BLM: variants seen among roughly 807,000 people sequenced by gnomAD.
BLM encodes the protein recQ-like DNA helicase BLM.
In BLM, 95 loss-of-function variants were observed where a neutral mutation model predicts 135.3. That is an observed-to-expected ratio of 0.70 (90% CI 0.59 to 0.83). The LOEUF (loss-of-function observed/expected upper bound fraction) is 0.83. BLM is among the 40% of genes least tolerant of loss of function. BLM has a pLI of 0.00. For synonymous variants in BLM, 520 were observed against 589.2 expected, an observed-to-expected ratio of 0.88 and a Z score of 1.70; for missense variants, 1,518 against 1,663.9, an observed-to-expected ratio of 0.91 and a Z score of 1.53.
At chr15:90,763,894 CTCTG>C (rs937590165) in intron 8 of BLM, among the ~76,000 whole-genome samples, 11 of 152,312 alleles carry the variant, frequency 7.2e-5, no homozygotes, top group African/African-American at 2.4e-4. Flanking sequence ...GTAGTCCTCC[CTCTG>C]TCTATCACCT....
chr15:90,773,217 G>A (rs564191017), intron 12 of BLM, among the ~76,000 whole-genome samples: 1 of 151,306 alleles, frequency 6.6e-6, no homozygotes, highest in Non-Finnish European at 1.5e-5. Flanking sequence ...GTCAGGAGTT[G>A]AAGACCAGCC....
At chr15:90,765,506 G>C in intron 9 of BLM, 92 bp downstream of exon 9, 1 of 1,072,872 alleles carries the variant, frequency 9.3e-7, no homozygotes, top group Non-Finnish European at 1.4e-6. Flanking sequence ...TTCGTGATTT[G>C]TAAAAAATAA....
intron 5 of BLM, among the ~76,000 whole-genome samples, chr15:90,757,241 CAAT>C (rs148427347): frequency 0.073 from 11,154 of 152,166 alleles, 645 homozygotes; most frequent in African/African-American, 0.16. Context: ...AAAATTAGAA[CAAT>C]GTTTGTCTGT....
chr15:90,814,153 T>A (rs181157902), intron 21 of BLM, among the ~76,000 whole-genome samples: 1 of 152,162 alleles, frequency 6.6e-6, no homozygotes, highest in Non-Finnish European at 1.5e-5. Context: ...GTCATGGAGC[T>A]CCATCAGAAT....
intron 21 of BLM, among the ~76,000 whole-genome samples, chr15:90,813,891 A>C (rs1032202568): frequency 6.6e-6 from 1 of 152,092 alleles, no homozygotes; most frequent in Non-Finnish European, 1.5e-5. Flanking sequence ...TCAGAGTTTC[A>C]CATCTTCAGA....
intron 20 of BLM, among the ~76,000 whole-genome samples, chr15:90,810,585 A>T (rs1193600555): frequency 6.6e-6 from 1 of 152,086 alleles, no homozygotes; most frequent in African/African-American, 2.4e-5. Flanking sequence ...TTGGGATGCA[A>T]ATACTTATGG....
At chr15:90,785,537 CTTTTCT>C (rs1896724792) in intron 14 of BLM, among the ~76,000 whole-genome samples, 1 of 147,284 alleles carries the variant, frequency 6.8e-6, no homozygotes, top group Admixed American at 6.8e-5. Context: ...GTCTTTGTGA[CTTTTCT>C]TTTTTTTTTT....
intron 1 of BLM, among the ~76,000 whole-genome samples, chr15:90,734,734 CTT>C (rs1895165725): frequency 7.1e-6 from 1 of 141,060 alleles, no homozygotes; most frequent in Non-Finnish European, 1.5e-5. Flanking sequence ...GAGAGAGAGA[CTT>C]TATTCCTAAA....
chr15:90,732,730 CAA>C (rs1895100650), intron 1 of BLM, among the ~76,000 whole-genome samples: 1 of 151,718 alleles, frequency 6.6e-6, no homozygotes, highest in Non-Finnish European at 1.5e-5. Flanking sequence ...ATCGAAAGCA[CAA>C]GAGAATAAAT....
intron 5 of BLM, among the ~76,000 whole-genome samples, chr15:90,759,177 A>G (rs942378453): frequency 6.6e-6 from 1 of 152,234 alleles, no homozygotes; most frequent in Non-Finnish European, 1.5e-5. Flanking sequence ...CCCAATTTCA[A>G]GTTAATTCAC....
At chr15:90,725,554 C>CA (rs1206170251) in intron 1 of BLM, among the ~76,000 whole-genome samples, 1 of 150,364 alleles carries the variant, frequency 6.7e-6, no homozygotes, top group Non-Finnish European at 1.5e-5. Context: ...AGTGCAGTGG[C>CA]ACCATCTCGG....
intron 16 of BLM, 133 bp from the exon 17 acceptor site, chr15:90,798,057 T>G: frequency 1.5e-6 from 1 of 686,860 alleles, no homozygotes; most frequent in Non-Finnish European, 2.3e-6. Context: ...ACATTTGAAA[T>G]TTCCGTAGGT....
At chr15:90,757,022 T>C (rs1225976773) in intron 5 of BLM, among the ~76,000 whole-genome samples, 1 of 152,194 alleles carries the variant, frequency 6.6e-6, no homozygotes, top group Non-Finnish European at 1.5e-5. Flanking sequence ...ATGATAACTA[T>C]TGTTATCTGC....
At chr15:90,773,061 C>T (rs997125059) in intron 12 of BLM, among the ~76,000 whole-genome samples, 8 of 143,900 alleles carry the variant, frequency 5.6e-5, no homozygotes, top group Non-Finnish European at 1.0e-4. Context: ...TGCACCACTG[C>T]ACCCCAGCCT....
At position 90,768,992 on chromosome 15, in the gene BLM, C is replaced by G. The variant is rs1896216752; in HGVS notation, c.2308-141C>G. On this transcript the variant is annotated intron_variant, in intron 10 of 21. Coordinates refer to ENST00000355112, the MANE Select transcript of BLM (RefSeq NM_000057.4). ...CCACCCACCTCGGCTTCCCAAAGTG[C>G]TGGGATTACAGGCGTGAGCCACCGC... 3.9e-6 allele frequency: 3 copies of G among 767,370 alleles called. No homozygotes were observed. The South Asian group carries it at 4.4e-5, about 11-fold the overall frequency. The allele number at this position is 767,370 out of a possible 1,614,324, so 47.5% of individuals were successfully genotyped here. A position where few individuals can be genotyped will look rare whatever the true frequency, so the allele number is the denominator to read the frequency against.
rs112700322 is a variant in BLM, at chr15:90,742,734, A to C, written c.-4-4655A>C. 4.8e-3 allele frequency among the ~76,000 whole-genome samples: 723 copies of C among 152,046 alleles called. 6 individuals carry two copies. Among genetic ancestry groups the C allele is most frequent in the African/African-American group, 0.017 (686 of 41,462 alleles). ...ACTGAAACCTCGACCTCCCGGGCTC[A>C]AATGATCCTTCCCACCTCAGCCTCC... On this transcript the variant is annotated intron_variant, in intron 1 of 21. Coordinates refer to ENST00000355112, the MANE Select transcript of BLM (RefSeq NM_000057.4).
intron 1 of BLM, among the ~76,000 whole-genome samples, chr15:90,740,829 A>G (rs1232114682): frequency 6.6e-6 from 1 of 152,210 alleles, no homozygotes; most frequent in East Asian, 1.9e-4. Context: ...GCCTGCCACC[A>G]TATAAGATGT....
intron 10 of BLM, among the ~76,000 whole-genome samples, chr15:90,768,394 C>T (rs114211004): frequency 0.015 from 2,314 of 152,244 alleles, 59 homozygotes; most frequent in African/African-American, 0.052. Context: ...TGACATGTCC[C>T]GGTCAAGATG....
rs2151198389 is a variant in BLM at position 90,809,248 on chromosome 15, G to A, written c.3863G>A (p.Trp1288Ter). 3 of 1,614,198 alleles carry A rather than the reference G, an allele frequency of 1.9e-6. No homozygotes were observed. Among genetic ancestry groups the A allele is most frequent in the Non-Finnish European group, 2.5e-6 (3 of 1,180,034 alleles). ...TCAGTATTACAGAAATACTCTGAAT[G>A]GACATCGCCAGGTTAGTACACAGCC... ...VISVLQKYSEWTSPAEDSSPG... is the reference protein window; with the variant it reads ...VISVLQKYSE The change falls in exon 20 of 22, where the codon TGG becomes TAG. Residue 1288 changes from tryptophan (W) to a stop codon, truncating the protein, a stop_gained. Coordinates refer to ENST00000355112, the MANE Select transcript of BLM (RefSeq NM_000057.4). LOFTEE classifies it high-confidence loss of function.
Sources: gnomAD v4.1 joint callset for allele counts (sites outside exome capture counted in the v4.1 genomes callset) on GRCh38, gnomAD v4.1.1 for gene constraint, MANE v1.5 for transcripts, NCBI Gene and HGNC (gene_info 2026-07-23, HGNC 2026-07-21) for gene names.